Variants in TBC1D5 observed in about 807,000 individuals in gnomAD.
The protein encoded by TBC1D5 is TBC1 domain family member 5.
A neutral mutation model predicts 100.3 loss-of-function variants in TBC1D5; 75 were observed. The observed-to-expected ratio is 0.75, with a 90% confidence interval of 0.62 to 0.91. The LOEUF (loss-of-function observed/expected upper bound fraction) is 0.91. Among genes scored for constraint, TBC1D5 ranks in the 40% least tolerant of loss-of-function variants. The probability of loss-of-function intolerance (pLI) is 0.00; values close to 1 mark genes in which losing one functional copy is unlikely to be tolerated. For synonymous variants in TBC1D5, 323 were observed against 325.6 expected (o/e 0.99, Z 0.09); for missense variants, 910 against 942.4 (o/e 0.97, Z 0.45).
chr3:17,640,308 T>C (rs745672326), intron 1 of TBC1D5, among the ~76,000 whole-genome samples: 28 of 152,180 alleles, frequency 1.8e-4, no homozygotes, highest in Non-Finnish European at 3.8e-4. Flanking sequence ...AATTAGCTTA[T>C]CTGAATTAAA....
chr3:17,164,205 G>A (rs1240877248), intron 21 of TBC1D5, among the ~76,000 whole-genome samples: 1 of 152,236 alleles, frequency 6.6e-6, no homozygotes, highest in Non-Finnish European at 1.5e-5. Context: ...AGCAGGGCAT[G>A]TGAATTCCCA....
At chr3:17,473,825 A>G (rs1553774282) in intron 3 of TBC1D5, among the ~76,000 whole-genome samples, 1 of 152,152 alleles carries the variant, frequency 6.6e-6, no homozygotes, top group Non-Finnish European at 1.5e-5. Flanking sequence ...CTGAATTTCT[A>G]CTTATAATTA....
At chr3:17,175,051 G>A (rs141102403) in intron 19 of TBC1D5, among the ~76,000 whole-genome samples, 4 of 152,312 alleles carry the variant, frequency 2.6e-5, no homozygotes, top group East Asian at 1.9e-4. Context: ...ATGATTAACC[G>A]GATCTTAGAT....
chr3:17,558,562 T>G (rs1451812695), intron 2 of TBC1D5, among the ~76,000 whole-genome samples: 1 of 152,200 alleles, frequency 6.6e-6, no homozygotes, highest in Non-Finnish European at 1.5e-5. Flanking sequence ...GGAATATTTT[T>G]CAAAAGGTTC....
chr3:17,457,636 T>G (rs1050371532), intron 3 of TBC1D5, among the ~76,000 whole-genome samples: 11 of 152,246 alleles, frequency 7.2e-5, no homozygotes, highest in Non-Finnish European at 1.6e-4. Flanking sequence ...TATGGGACAG[T>G]TCCACCATAT....
chr3:17,412,743 G>A (rs2093964868), intron 4 of TBC1D5, among the ~76,000 whole-genome samples: 1 of 151,956 alleles, frequency 6.6e-6, no homozygotes, highest in Admixed American at 6.6e-5. Flanking sequence ...CCCTCTTTAT[G>A]AATGAGGAAA....
At chr3:17,542,129 A>G (rs1011274109) in intron 2 of TBC1D5, among the ~76,000 whole-genome samples, 2 of 151,834 alleles carry the variant, frequency 1.3e-5, no homozygotes, top group African/African-American at 4.8e-5. Flanking sequence ...CTCTATAAGA[A>G]TTTTTTTTAA....
intron 2 of TBC1D5, among the ~76,000 whole-genome samples, chr3:17,513,659 A>G (rs2095942806): frequency 6.6e-6 from 1 of 152,186 alleles, no homozygotes; most frequent in African/African-American, 2.4e-5. Context: ...GGTAAACCTA[A>G]AAGTCAAACA....
intron 1 of TBC1D5, among the ~76,000 whole-genome samples, chr3:17,627,475 G>A (rs184172146): frequency 2.6e-5 from 4 of 152,128 alleles, no homozygotes; most frequent in African/African-American, 7.2e-5. Context: ...ATACACCTGA[G>A]GAAATTAACT....
chr3:17,609,405 CCTT>C (rs2061530038), intron 2 of TBC1D5, among the ~76,000 whole-genome samples: 2 of 152,140 alleles, frequency 1.3e-5, no homozygotes, highest in Non-Finnish European at 2.9e-5. Flanking sequence ...CCTTTATACT[CCTT>C]GATTACACTG....
chr3:17,660,422 T>C (rs1036976065), intron 1 of TBC1D5, among the ~76,000 whole-genome samples: 6 of 152,222 alleles, frequency 3.9e-5, no homozygotes, highest in Non-Finnish European at 8.8e-5. Flanking sequence ...AATGCTATAA[T>C]ACCATCCTTC....
intron 1 of TBC1D5, among the ~76,000 whole-genome samples, chr3:17,641,148 C>G (rs759928347): frequency 1.3e-5 from 2 of 152,116 alleles, no homozygotes; most frequent in African/African-American, 2.4e-5. Context: ...AATGTGCTTA[C>G]TGCTGAGGTA....
In TBC1D5 at chr3:17,697,151, C is replaced by T. The variant is rs140554559; in HGVS notation, c.-101+42192G>A. Reference sequence around the variant, plus strand: ...TGACAAACCCACAGCCAATATCATACCGAATGGGCAACAACCGGAAGCATT... The same window carrying T: ...TGACAAACCCACAGCCAATATCATATCGAATGGGCAACAACCGGAAGCATT... On this transcript the variant is annotated intron_variant, in intron 1 of 21. Coordinates refer to ENST00000253692, the Ensembl canonical transcript of TBC1D5. 7.3e-3 allele frequency among the ~76,000 whole-genome samples: 1,118 copies of T among 152,254 alleles called. 10 individuals carry two copies. The highest frequency in any genetic ancestry group is 0.048 in the Middle Eastern group (14 of 294).
chr3:17,413,702 A>AG (rs1304207703), intron 4 of TBC1D5, among the ~76,000 whole-genome samples: 2 of 152,182 alleles, frequency 1.3e-5, no homozygotes, highest in Non-Finnish European at 2.9e-5. Context: ...AAGGCTTCTG[A>AG]ATCATTGTCC....
intron 2 of TBC1D5, among the ~76,000 whole-genome samples, chr3:17,511,316 C>T (rs2095903388): frequency 6.6e-6 from 1 of 151,952 alleles, no homozygotes; most frequent in Admixed American, 6.6e-5. Flanking sequence ...TTGAAAATGT[C>T]TATTTCAAGT....
At chr3:17,414,297 T>C (rs1384963159) in intron 4 of TBC1D5, among the ~76,000 whole-genome samples, 1 of 152,186 alleles carries the variant, frequency 6.6e-6, no homozygotes, top group African/African-American at 2.4e-5. Context: ...TTATACAATT[T>C]CATAATCCTA....
intron 3 of TBC1D5, among the ~76,000 whole-genome samples, chr3:17,452,041 CT>C (rs932916996): frequency 2.0e-5 from 3 of 151,888 alleles, no homozygotes; most frequent in Non-Finnish European, 4.4e-5. Flanking sequence ...GTTTTTATTG[CT>C]TTTTTTTAAT....
chr3:17,334,594 C>G (rs1031322386), intron 13 of TBC1D5, among the ~76,000 whole-genome samples: 14 of 152,112 alleles, frequency 9.2e-5, no homozygotes, highest in Admixed American at 7.9e-4. Flanking sequence ...AAACTGAAGA[C>G]TTTTTCTGCT....
At chr3:17,704,304 G>A (rs1049059085) in intron 1 of TBC1D5, among the ~76,000 whole-genome samples, 1 of 150,200 alleles carries the variant, frequency 6.7e-6, no homozygotes, top group African/African-American at 2.4e-5. Context: ...AAAATGAAAA[G>A]TCTCCCATGT....
Sources: gnomAD v4.1 joint callset for allele counts (sites outside exome capture counted in the v4.1 genomes callset) on GRCh38, gnomAD v4.1.1 for gene constraint, MANE v1.5 for transcripts, NCBI Gene and HGNC (gene_info 2026-07-23, HGNC 2026-07-21) for gene names.